Variants in BCAR3 observed in about 807,000 individuals in gnomAD.
BCAR3 encodes breast cancer anti-estrogen resistance protein 3.
Under a neutral mutation model 80.1 loss-of-function variants are expected in BCAR3, and 37 were observed. The observed-to-expected ratio is 0.46, with a 90% confidence interval of 0.36 to 0.61. The LOEUF is 0.61. BCAR3 is among the 20% of genes least tolerant of loss of function. The probability of loss-of-function intolerance (pLI) is 0.00; values close to 1 mark genes in which losing one functional copy is unlikely to be tolerated. For synonymous variants in BCAR3, 389 were observed against 418.9 expected (o/e 0.93, Z 0.87); for missense variants, 978 against 1,068.2 (o/e 0.92, Z 1.18).
chr1:93,693,618 CA>C (rs1649277177), intron 3 of BCAR3, among the ~76,000 whole-genome samples: 1 of 152,194 alleles, frequency 6.6e-6, no homozygotes, highest in Non-Finnish European at 1.5e-5. Flanking sequence ...TAGCGTCCCC[CA>C]AAGTGCAAGG....
At chr1:93,677,492 T>G (rs992692246) in intron 1 of BCAR3, among the ~76,000 whole-genome samples, 1 of 152,154 alleles carries the variant, frequency 6.6e-6, no homozygotes, top group African/African-American at 2.4e-5. Flanking sequence ...AGTAGGTGAC[T>G]CTGGTTGTTC....
At chr1:93,717,859 G>A (rs1650245383) in intron 2 of BCAR3, among the ~76,000 whole-genome samples, 2 of 152,126 alleles carry the variant, frequency 1.3e-5, no homozygotes, top group Non-Finnish European at 2.9e-5. Flanking sequence ...GTCTGAGAGT[G>A]TGGCCTGCGT....
intron 2 of BCAR3, among the ~76,000 whole-genome samples, chr1:93,797,012 C>A (rs1246822350): frequency 1.3e-5 from 2 of 152,128 alleles, no homozygotes; most frequent in African/African-American, 4.8e-5. Context: ...AGGCTGTGTA[C>A]CCTGGTAGCA....
intron 4 of BCAR3, among the ~76,000 whole-genome samples, chr1:93,591,012 C>T (rs145460985): frequency 1.6e-4 from 25 of 151,992 alleles, no homozygotes; most frequent in African/African-American, 4.6e-4. Context: ...AAGTATTCAT[C>T]GTGGTTATCC....
intron 2 of BCAR3, among the ~76,000 whole-genome samples, chr1:93,727,331 G>C (rs1359998756): frequency 6.6e-6 from 1 of 152,190 alleles, no homozygotes; most frequent in Non-Finnish European, 1.5e-5. Flanking sequence ...CTAGCTCCTA[G>C]ATAGGCACTT....
rs930314312 is a variant in BCAR3 at position 93,663,513 on chromosome 1, C to A, written c.317+11101G>T. ...CTGGAAAGATGTTAAGGTCAGAGGT[C>A]AGGAAAGGCAGGATTGCTTATCAAT... is the stretch of plus-strand genomic sequence containing the variant. On this transcript the variant is annotated intron_variant, in intron 2 of 11. Coordinates refer to ENST00000260502, the MANE Select transcript of BCAR3 (RefSeq NM_003567.4). Among the ~76,000 whole-genome samples, 3 of 152,114 alleles carry A rather than the reference C, an allele frequency of 2.0e-5. No homozygotes were observed. The South Asian group carries it at 6.2e-4, about 31-fold the overall frequency.
chr1:93,589,338 A>G lies in BCAR3; in HGVS notation c.568T>C (p.Cys190Arg). The change falls in exon 5 of 12, where the codon TGT (cysteine) becomes CGT (arginine). Residue 190 changes from cysteine (C) to arginine (R), a missense_variant. Physicochemically the swap from Cys to Arg is radical, Grantham distance 180. Transcript: ENST00000260502. ...TGCTGAGCGAGGTTCTTCCACTGACAGGTCAGGACAAAGTTCCCAGGGCTG... is the reference window on the plus strand; with the variant it reads ...TGCTGAGCGAGGTTCTTCCACTGACGGGTCAGGACAAAGTTCCCAGGGCTG... ...LSSPGNFVLTCQWKNLAQHFK... is the reference protein window; with the variant it reads ...LSSPGNFVLTRQWKNLAQHFK... 1 of 1,614,196 alleles carries G rather than the reference A, an allele frequency of 6.2e-7. No individual in the cohort carries two copies. Among genetic ancestry groups the G allele is most frequent in the Non-Finnish European group, 8.5e-7 (1 of 1,180,038 alleles).
At chr1:93,770,862 A>C (rs1209048533) in intron 2 of BCAR3, among the ~76,000 whole-genome samples, 1 of 151,230 alleles carries the variant, frequency 6.6e-6, no homozygotes, top group Non-Finnish European at 1.5e-5. Context: ...TTTGGTGCAC[A>C]CTCCCACCCC....
Position 93,571,701 on chromosome 1 carries a change from G to C in BCAR3, c.1943C>G (p.Ser648Ter). The change falls in exon 9 of 12, where the codon TCA becomes TGA. Residue 648 changes from serine (S) to a stop codon, truncating the protein, a stop_gained. Transcript: ENST00000260502. LOFTEE classifies it high-confidence loss of function. ...CATTTCCAGGGCTTTCATGAGAGCT[G>C]AGAAGGAATAGAGGTCCCCCATGGA... is the stretch of plus-strand genomic sequence containing the variant. ...KDSMGDLYSF[S>*]ALMKALEMPQ... 1 of 1,614,158 alleles carries C rather than the reference G, an allele frequency of 6.2e-7. No individual in the cohort carries two copies. Among genetic ancestry groups the C allele is most frequent in the Non-Finnish European group, 8.5e-7 (1 of 1,180,042 alleles).
At chr1:93,651,869 G>A (rs79726819) in intron 2 of BCAR3, among the ~76,000 whole-genome samples, 6 of 152,224 alleles carry the variant, frequency 3.9e-5, no homozygotes, top group Non-Finnish European at 5.9e-5. Context: ...TCCCAAGCCC[G>A]TGTCAGCACT....
At chr1:93,617,629 C>G (rs1373567362) in intron 3 of BCAR3, among the ~76,000 whole-genome samples, 1 of 152,214 alleles carries the variant, frequency 6.6e-6, no homozygotes, top group African/African-American at 2.4e-5. Flanking sequence ...TACTCCCTCT[C>G]CCCTAAAGAT....
chr1:93,681,996 C>T (rs59250599), upstream of BCAR3, among the ~76,000 whole-genome samples: 2,354 of 152,276 alleles, frequency 0.015, 65 homozygotes, highest in African/African-American at 0.052. Context: ...GTTTGGCTCT[C>T]TTCGTATCTC....
chr1:93,617,615 A>C (rs1336220670), intron 3 of BCAR3, among the ~76,000 whole-genome samples: 2 of 152,192 alleles, frequency 1.3e-5, no homozygotes, highest in East Asian at 1.9e-4. Context: ...AAGACCCTTT[A>C]TCCTACTCCC....
At chr1:93,595,187 C>T (rs1314503912) in intron 3 of BCAR3, among the ~76,000 whole-genome samples, 4 of 152,172 alleles carry the variant, frequency 2.6e-5, no homozygotes, top group South Asian at 2.1e-4. Flanking sequence ...TTAAGATTGA[C>T]GCTCTCAAAT....
chr1:93,663,833 T>C (rs1042213427), intron 2 of BCAR3, among the ~76,000 whole-genome samples: 6 of 152,176 alleles, frequency 3.9e-5, no homozygotes, highest in Non-Finnish European at 8.8e-5. Context: ...GAGTCAGTCT[T>C]TCATTCACAT....
chr1:93,829,153 C>G (rs570429152), intron 2 of BCAR3, among the ~76,000 whole-genome samples: 6 of 152,104 alleles, frequency 3.9e-5, no homozygotes, highest in Non-Finnish European at 7.4e-5. Context: ...TTTGTACAGG[C>G]TTGAGGAGGC....
chr1:93,791,954 G>T (rs1653154674), intron 2 of BCAR3, among the ~76,000 whole-genome samples: 1 of 4,014 alleles, frequency 2.5e-4, no homozygotes. Flanking sequence ...TCAAAGATCA[G>T]ATAGTTGTAG....
intron 3 of BCAR3, among the ~76,000 whole-genome samples, chr1:93,637,635 G>A (rs1675833877): frequency 6.6e-6 from 1 of 152,184 alleles, no homozygotes; most frequent in Non-Finnish European, 1.5e-5. Context: ...ATGCAGGAGT[G>A]CTGGGGTAAC....
chr1:93,732,776 A>T (rs2100685913), intron 2 of BCAR3, among the ~76,000 whole-genome samples: 1 of 152,254 alleles, frequency 6.6e-6, no homozygotes. Context: ...ACTGCAGAAA[A>T]CAGCCTCAGG....
Sources: gnomAD v4.1 joint callset for allele counts (sites outside exome capture counted in the v4.1 genomes callset) on GRCh38, gnomAD v4.1.1 for gene constraint, MANE v1.5 for transcripts, NCBI Gene and HGNC (gene_info 2026-07-23, HGNC 2026-07-21) for gene names.